DNAJC1: variants seen among roughly 807,000 people sequenced by gnomAD.
DNAJC1 encodes dnaJ homolog subfamily C member 1.
DNAJC1 carries 58 observed loss-of-function variants against 76.6 expected under a neutral mutation model. The observed-to-expected ratio is 0.76, with a 90% CI of 0.61 to 0.94. The LOEUF (loss-of-function observed/expected upper bound fraction) is 0.94. DNAJC1 is among the 40% of genes least tolerant of loss of function. The probability of loss-of-function intolerance (pLI) is 0.00; values close to 1 mark genes in which losing one functional copy is unlikely to be tolerated. For synonymous variants in DNAJC1, 258 were observed against 267.9 expected (o/e 0.96, Z 0.36); for missense variants, 689 against 677.3 (o/e 1.02, Z -0.19).
intron 8 of DNAJC1, among the ~76,000 whole-genome samples, chr10:21,862,674 C>A (rs989143737): frequency 1.3e-5 from 2 of 152,050 alleles, no homozygotes; most frequent in African/African-American, 2.4e-5. Context: ...GGTGATCCAA[C>A]TGCCTCAGCC....
intron 1 of DNAJC1, among the ~76,000 whole-genome samples, chr10:21,996,765 T>C (rs970260844): frequency 2.6e-5 from 4 of 152,224 alleles, no homozygotes; most frequent in Admixed American, 2.0e-4. Flanking sequence ...ATTTTCACAA[T>C]AGACTTGCTT....
intron 8 of DNAJC1, among the ~76,000 whole-genome samples, chr10:21,866,695 A>T (rs1836006911): frequency 6.6e-6 from 1 of 152,130 alleles, no homozygotes; most frequent in Non-Finnish European, 1.5e-5. Flanking sequence ...ATTAATTGGC[A>T]TATATATAAT....
chr10:21,968,671 C>T (rs975814773), intron 1 of DNAJC1, among the ~76,000 whole-genome samples: 5 of 151,846 alleles, frequency 3.3e-5, no homozygotes, highest in South Asian at 2.1e-4. Context: ...CCACCACGCC[C>T]GGCTAATTTT....
chr10:21,850,859 A>G (rs1835740000), intron 8 of DNAJC1, among the ~76,000 whole-genome samples: 1 of 152,198 alleles, frequency 6.6e-6, no homozygotes, highest in African/African-American at 2.4e-5. Flanking sequence ...AGAGGCCAGA[A>G]ATAAACCTTG....
intron 1 of DNAJC1, among the ~76,000 whole-genome samples, chr10:21,944,383 C>G (rs1001881804): frequency 9.2e-5 from 14 of 152,132 alleles, no homozygotes; most frequent in African/African-American, 3.4e-4. Context: ...TCCATACTGA[C>G]TTTCTCTTCA....
intron 9 of DNAJC1, among the ~76,000 whole-genome samples, chr10:21,767,505 C>G (rs544095884): frequency 6.6e-6 from 1 of 152,276 alleles, no homozygotes; most frequent in African/African-American, 2.4e-5. Flanking sequence ...CCAGAATGGC[C>G]TGTAACTCCT....
intron 11 of DNAJC1, among the ~76,000 whole-genome samples, chr10:21,758,940 T>C (rs1170353376): frequency 6.6e-6 from 1 of 152,220 alleles, no homozygotes; most frequent in Non-Finnish European, 1.5e-5. Context: ...GCAGCTGCCC[T>C]GTGGGATGAT....
intron 6 of DNAJC1, among the ~76,000 whole-genome samples, chr10:21,910,474 T>A (rs1836836701): frequency 1.3e-5 from 2 of 152,176 alleles, no homozygotes; most frequent in African/African-American, 4.8e-5. Flanking sequence ...CTGTTTATAA[T>A]GTTTTGGTTC....
rs1170030209 is a variant in DNAJC1, at chr10:21,908,254, AAT to A, written c.730-3644_730-3643del. Among the ~76,000 whole-genome samples, 10 of 38,124 alleles carry A rather than the reference AAT, an allele frequency of 2.6e-4. 1 individual carries two copies. The highest frequency in any genetic ancestry group is 0.011 in the East Asian group (1 of 88). 25.0% of individuals were successfully genotyped at this position (38,124 alleles called of 152,430 possible). On this transcript the variant is annotated intron_variant, in intron 6 of 11. Coordinates refer to ENST00000376980, the MANE Select transcript of DNAJC1 (RefSeq NM_022365.4). ...TATAAAATATATATAATATAGAGAA[AAT>A]ATATATATATATTTTATATATATAT... is the stretch of plus-strand genomic sequence containing the variant.
At chr10:21,904,993 G>A (rs1360564356) in intron 6 of DNAJC1, among the ~76,000 whole-genome samples, 1 of 151,980 alleles carries the variant, frequency 6.6e-6, no homozygotes, top group African/African-American at 2.4e-5. Context: ...AAGTACTACT[G>A]CTATTTTCAT....
chr10:21,833,849 T>C (rs147308409), intron 8 of DNAJC1, among the ~76,000 whole-genome samples: 1 of 152,258 alleles, frequency 6.6e-6, no homozygotes, highest in East Asian at 1.9e-4. Context: ...CAAAATACTA[T>C]ATAATGTAAA....
chr10:21,766,302 G>T lies in DNAJC1; in HGVS notation c.1106C>A (p.Thr369Asn), dbSNP rs567433415. ...TGAATCCTTCAGTTGCTTGGCTTTG[G>T]TTGTCACCTGTTTCAAAACATAAAA... ...ELGRSVTDVT[T>N]KAKQLKDSVT... Residue 369 changes from threonine to asparagine, a missense_variant, in exon 10 of 12, where the codon ACC becomes AAC. Coordinates refer to ENST00000376980, the MANE Select transcript of DNAJC1 (RefSeq NM_022365.4). The T allele has an allele frequency of 3.1e-6, 5 of 1,613,686 alleles. No homozygotes were observed. In the South Asian group the frequency reaches 5.5e-5, roughly 18 times the overall value.
chr10:21,985,248 CTTTTTT>C (rs1190568148), intron 1 of DNAJC1, among the ~76,000 whole-genome samples: 15 of 136,102 alleles, frequency 1.1e-4, no homozygotes, highest in Non-Finnish European at 1.6e-5. Context: ...CACTACCCTG[CTTTTTT>C]TTTTTTTTTT....
intron 1 of DNAJC1, among the ~76,000 whole-genome samples, chr10:21,976,973 T>C (rs932939731): frequency 1.3e-5 from 2 of 151,990 alleles, no homozygotes; most frequent in Admixed American, 6.6e-5. Context: ...TCAAAACAAG[T>C]AGCATCAGTA....
At chr10:21,848,851 T>C (rs1835702357) in intron 8 of DNAJC1, among the ~76,000 whole-genome samples, 1 of 152,116 alleles carries the variant, frequency 6.6e-6, no homozygotes, top group Admixed American at 6.5e-5. Context: ...ACTCAAAGCA[T>C]GTGGATATTA....
intron 8 of DNAJC1, among the ~76,000 whole-genome samples, chr10:21,820,851 G>A (rs182874704): frequency 6.6e-6 from 1 of 152,304 alleles, no homozygotes; most frequent in East Asian, 1.9e-4. Context: ...GTGAAAAGAC[G>A]TTTAGAGTGA....
intron 9 of DNAJC1, among the ~76,000 whole-genome samples, chr10:21,770,135 A>G (rs1438731893): frequency 2.0e-5 from 3 of 152,064 alleles, no homozygotes; most frequent in Non-Finnish European, 4.4e-5. Flanking sequence ...TCACAGTTCA[A>G]TTCCATTTGT....
At chr10:21,949,782 G>T (rs919491496) in intron 1 of DNAJC1, among the ~76,000 whole-genome samples, 3 of 151,760 alleles carry the variant, frequency 2.0e-5, no homozygotes, top group Non-Finnish European at 2.9e-5. Context: ...GAGTTAACTT[G>T]GTAATTGGGA....
intron 1 of DNAJC1, among the ~76,000 whole-genome samples, chr10:21,960,870 C>G (rs1297932123): frequency 1.3e-5 from 2 of 152,116 alleles, no homozygotes; most frequent in Non-Finnish European, 2.9e-5. Flanking sequence ...GAAACCTGCA[C>G]GTTCTGCACA....
Sources: allele counts gnomAD v4.1 joint callset (sites outside exome capture counted in the v4.1 genomes callset), GRCh38; gene constraint gnomAD v4.1.1; transcripts MANE v1.5; gene names NCBI Gene and HGNC (gene_info 2026-07-23, HGNC 2026-07-21).